CHCHD6: variants seen among roughly 807,000 people sequenced by gnomAD.
The protein encoded by CHCHD6 is coiled-coil-helix-coiled-coil-helix domain containing 6, also known as MICOS complex subunit MIC25.
A neutral mutation model predicts 32.3 loss-of-function variants in CHCHD6; 28 were observed. The observed-to-expected ratio is 0.87, with a 90% CI of 0.64 to 1.19. CHCHD6 has a LOEUF of 1.19. Among genes scored for constraint, CHCHD6 ranks in the 50% most tolerant of loss-of-function variants. CHCHD6 has a pLI of 0.00. For synonymous variants in CHCHD6, 122 were observed against 117.5 expected (o/e 1.04, Z -0.25); for missense variants, 333 against 307.0 (o/e 1.08, Z -0.63).
chr3:126,900,635 G>A (rs571919167), intron 5 of CHCHD6, among the ~76,000 whole-genome samples: 18 of 123,100 alleles, frequency 1.5e-4, no homozygotes, highest in South Asian at 1.2e-3. Flanking sequence ...GCGGAGTTTC[G>A]CTCTTGTTGC....
At chr3:126,829,544 C>T (rs1009374144) in intron 4 of CHCHD6, among the ~76,000 whole-genome samples, 2 of 151,762 alleles carry the variant, frequency 1.3e-5, no homozygotes. Flanking sequence ...TGACAAAATT[C>T]GTATGTTGAA....
chr3:126,860,302 G>C (rs572001290), intron 5 of CHCHD6, among the ~76,000 whole-genome samples: 2 of 152,328 alleles, frequency 1.3e-5, no homozygotes, highest in South Asian at 4.1e-4. Flanking sequence ...AACCTGCTGA[G>C]TGAGGGATCT....
At chr3:126,861,565 ACCT>A (rs1941870934) in intron 5 of CHCHD6, among the ~76,000 whole-genome samples, 1 of 148,010 alleles carries the variant, frequency 6.8e-6, no homozygotes, top group Admixed American at 6.7e-5. Context: ...CAGCACCACC[ACCT>A]CATCCTCCTC....
intron 6 of CHCHD6, among the ~76,000 whole-genome samples, chr3:126,956,588 T>C (rs1049025150): frequency 3.1e-5 from 4 of 128,080 alleles, no homozygotes; most frequent in Non-Finnish European, 5.0e-5. Flanking sequence ...GTTGTGTGTG[T>C]CAGTGTGCGC....
chr3:126,714,909 G>T (rs1934938046), intron 1 of CHCHD6, among the ~76,000 whole-genome samples: 1 of 152,202 alleles, frequency 6.6e-6, no homozygotes, highest in Non-Finnish European at 1.5e-5. Flanking sequence ...TTTGTGAACT[G>T]TGTGAACTTT....
At chr3:126,720,169 A>C (rs1935213284) in intron 1 of CHCHD6, among the ~76,000 whole-genome samples, 1 of 152,236 alleles carries the variant, frequency 6.6e-6, no homozygotes, top group Non-Finnish European at 1.5e-5. Flanking sequence ...GGCGTGAGCC[A>C]CTGCACCCAG....
At chr3:126,715,466 A>G (rs960125719) in intron 1 of CHCHD6, among the ~76,000 whole-genome samples, 3 of 151,946 alleles carry the variant, frequency 2.0e-5, no homozygotes, top group African/African-American at 7.2e-5. Context: ...TCTTCTAGCC[A>G]TGAGCTTTGC....
intron 4 of CHCHD6, among the ~76,000 whole-genome samples, chr3:126,740,692 C>G (rs1349638843): frequency 6.6e-6 from 1 of 152,194 alleles, no homozygotes; most frequent in Non-Finnish European, 1.5e-5. Context: ...GCTCAGAGAA[C>G]AAGGGTGGCA....
intron 4 of CHCHD6, among the ~76,000 whole-genome samples, chr3:126,822,012 A>G (rs890658628): frequency 6.6e-6 from 1 of 152,090 alleles, no homozygotes; most frequent in African/African-American, 2.4e-5. Context: ...CTATGGGGTA[A>G]CTTTTTGCTT....
intron 6 of CHCHD6, chr3:126,949,372 A>T: frequency 9.0e-6 from 2 of 221,830 alleles, no homozygotes; most frequent in Non-Finnish European, 1.8e-5. Context: ...CTGCACAGAC[A>T]CCTGCCATGG....
chr3:126,793,160 G>A (rs1355845074), intron 4 of CHCHD6, among the ~76,000 whole-genome samples: 3 of 151,886 alleles, frequency 2.0e-5, no homozygotes, highest in Admixed American at 6.6e-5. Flanking sequence ...TTTTTAAAAA[G>A]TCCATTATAG....
Position 126,733,288 on chromosome 3 carries a change from G to A in CHCHD6, c.411+66G>A, listed in dbSNP as rs1385101153. On this transcript the variant is annotated intron_variant, in intron 4 of 7. Coordinates refer to ENST00000290913, the MANE Select transcript of CHCHD6 (RefSeq NM_032343.3). ...CAGCACCCTGGGAAATAGGGGGCGG[G>A]CCCTGGCACCTGGTTAGTCTGAAGC... is the stretch of plus-strand genomic sequence containing the variant. 7 of 1,499,370 alleles carry A rather than the reference G, an allele frequency of 4.7e-6. No homozygotes were observed. The African/African-American group carries it at 5.5e-5, about 12-fold the overall frequency. The allele number at this position is 1,499,370 out of a possible 1,614,324, so 92.9% of individuals were successfully genotyped here. A position where few individuals can be genotyped will look rare whatever the true frequency, so the allele number is the denominator to read the frequency against.
intron 4 of CHCHD6, among the ~76,000 whole-genome samples, chr3:126,765,306 G>A (rs142719153): frequency 2.8e-4 from 42 of 151,910 alleles, no homozygotes; most frequent in African/African-American, 8.4e-4. Context: ...CAGAGCTGTC[G>A]CCTCTCTTGG....
At chr3:126,728,479 C>T (rs1048770390) in intron 2 of CHCHD6, among the ~76,000 whole-genome samples, 1 of 152,132 alleles carries the variant, frequency 6.6e-6, no homozygotes, top group Non-Finnish European at 1.5e-5. Context: ...GATTTGGACC[C>T]ACCCCAAGAT....
intron 4 of CHCHD6, among the ~76,000 whole-genome samples, chr3:126,760,815 C>T (rs747930247): frequency 1.3e-5 from 2 of 151,924 alleles, no homozygotes; most frequent in African/African-American, 4.8e-5. Flanking sequence ...AATATCTCTT[C>T]AAGACCCTGC....
At chr3:126,958,387 G>C (rs1247342930) in intron 7 of CHCHD6, among the ~76,000 whole-genome samples, 1 of 152,200 alleles carries the variant, frequency 6.6e-6, no homozygotes, top group Non-Finnish European at 1.5e-5. Context: ...AACAGGACGA[G>C]GTCTCCTTTC....
intron 4 of CHCHD6, among the ~76,000 whole-genome samples, chr3:126,839,407 T>C (rs1035568362): frequency 6.6e-6 from 1 of 152,248 alleles, no homozygotes. Context: ...TTTGGAAATT[T>C]ATATTACCAT....
intron 5 of CHCHD6, among the ~76,000 whole-genome samples, chr3:126,855,487 T>C (rs997427175): frequency 2.0e-5 from 3 of 152,236 alleles, no homozygotes; most frequent in Admixed American, 2.0e-4. Context: ...CTCTGTTTCA[T>C]GTCACAGTGC....
intron 4 of CHCHD6, among the ~76,000 whole-genome samples, chr3:126,844,192 T>C (rs906819995): frequency 1.4e-4 from 21 of 152,206 alleles, no homozygotes; most frequent in African/African-American, 5.1e-4. Context: ...TTTCCTGCTG[T>C]TGTTAGATGT....
Sources: allele counts gnomAD v4.1 joint callset (sites outside exome capture counted in the v4.1 genomes callset), GRCh38; gene constraint gnomAD v4.1.1; transcripts MANE v1.5; gene names NCBI Gene and HGNC (gene_info 2026-07-23, HGNC 2026-07-21).